Variants in NIBAN3 observed in about 807,000 individuals in gnomAD.
NIBAN3 encodes niban apoptosis regulator 3.
A neutral mutation model predicts 76.4 loss-of-function variants in NIBAN3; 66 were observed. That is an observed-to-expected ratio of 0.86 (90% CI 0.71 to 1.06). The LOEUF (loss-of-function observed/expected upper bound fraction) is 1.06. Among genes scored for constraint, NIBAN3 ranks in the 50% least tolerant of loss-of-function variants. NIBAN3 has a pLI of 0.00. For synonymous variants in NIBAN3, 360 were observed against 355.2 expected (o/e 1.01, Z -0.15); for missense variants, 808 against 810.7 (o/e 1.00, Z 0.04).
chr19:17,553,353 ACAAG>A lies in NIBAN3; in HGVS notation c.*1457_*1460del, dbSNP rs1467562973. 1.2e-6 allele frequency: 2 copies of A among 1,613,774 alleles called. No individual in the cohort carries two copies. The highest frequency in any genetic ancestry group is 1.7e-6 in the Non-Finnish European group (2 of 1,179,920). On this transcript the variant is annotated 3_prime_UTR_variant, in exon 15 of 15. Coordinates refer to ENST00000599164, the MANE Select transcript of NIBAN3 (RefSeq NM_001321827.2). ...TGGTGTCAAGTTTCCTGGCTGGGAG[ACAAG>A]CTTTTACCGACTTCCTCTGCTTGCC...
intron 5 of NIBAN3, among the ~76,000 whole-genome samples, chr19:17,538,132 A>G (rs2075858822): frequency 6.6e-6 from 1 of 151,624 alleles, no homozygotes; most frequent in South Asian, 2.1e-4. Context: ...ATGAAGGACT[A>G]GCCGCTGGGC....
downstream of NIBAN3, chr19:17,553,777 G>T: frequency 1.9e-6 from 1 of 520,018 alleles, no homozygotes; most frequent in Non-Finnish European, 3.4e-6. Context: ...AATCCTTCCA[G>T]ATGGGATGGG....
Position 17,532,247 on chromosome 19 carries a change from C to T in NIBAN3, c.187-16C>T, listed in dbSNP as rs925411029. On this transcript the variant is annotated splice_polypyrimidine_tract_variant and intron_variant, in intron 2 of 14. Transcript: ENST00000599164. ...GCCCACAGCCCCCTGACACCCACTGCTCCCTCTTTCTGCAGAAGCTGCCCC... is the reference window on the plus strand; with the variant it reads ...GCCCACAGCCCCCTGACACCCACTGTTCCCTCTTTCTGCAGAAGCTGCCCC... The T allele has an allele frequency of 2.5e-6, 4 of 1,598,396 alleles. No individual in the cohort carries two copies. Among genetic ancestry groups the T allele is most frequent in the African/African-American group, 2.7e-5 (2 of 74,738 alleles).
chr19:17,527,702 A>G (rs150711661), intron 1 of NIBAN3, among the ~76,000 whole-genome samples: 27 of 151,188 alleles, frequency 1.8e-4, no homozygotes, highest in African/African-American at 5.8e-4. Flanking sequence ...ATGTACCACC[A>G]TGCCCAACTA....
chr19:17,541,285 A>G (rs904554299), intron 9 of NIBAN3, among the ~76,000 whole-genome samples: 1 of 152,004 alleles, frequency 6.6e-6, no homozygotes, highest in Non-Finnish European at 1.5e-5. Context: ...AATAGCACCT[A>G]CTATGTACCA....
chr19:17,554,633 A>G (rs1164176868), downstream of NIBAN3, among the ~76,000 whole-genome samples: 2 of 151,632 alleles, frequency 1.3e-5, no homozygotes, highest in African/African-American at 4.9e-5. Context: ...AACAAAAATT[A>G]GCCGGGCGTG....
chr19:17,526,526 T>A (rs2075610483), upstream of NIBAN3, among the ~76,000 whole-genome samples: 2 of 151,644 alleles, frequency 1.3e-5, no homozygotes, highest in South Asian at 4.1e-4. Context: ...CGTGTGCCTG[T>A]GGGCCCAGCT....
intron 13 of NIBAN3, among the ~76,000 whole-genome samples, chr19:17,547,345 T>C (rs2076075399): frequency 1.1e-5 from 1 of 93,958 alleles, no homozygotes; most frequent in South Asian, 4.4e-4. Flanking sequence ...AGAACGAGAC[T>C]ATGTCTTTTT....
intron 14 of NIBAN3, chr19:17,549,823 TCTC>T (rs369991781): frequency 0.095 from 36,664 of 385,280 alleles, 9 homozygotes; most frequent in Middle Eastern, 0.15. Flanking sequence ...TCTCTCTCTC[TCTC>T]TTTTTTTTTT....
chr19:17,535,837 G>A (rs1457282776), intron 4 of NIBAN3, among the ~76,000 whole-genome samples: 1 of 151,828 alleles, frequency 6.6e-6, no homozygotes, highest in Non-Finnish European at 1.5e-5. Context: ...CTAGGAGTTT[G>A]AGGCCACCGT....
rs576154871 is a variant in NIBAN3, at chr19:17,553,015, C to CA, written c.*1118dup. 372 of 177,986 alleles carry CA rather than the reference C, an allele frequency of 2.1e-3. No individual in the cohort carries two copies. Among genetic ancestry groups the CA allele is most frequent in the Non-Finnish European group, 3.1e-3 (266 of 85,236 alleles). The allele number at this position is 177,986 out of a possible 1,614,324, so 11.0% of individuals were successfully genotyped here. A position where few individuals can be genotyped will look rare whatever the true frequency, so the allele number is the denominator to read the frequency against. ...ACCTGAGCCTGGGAACTCAAGGCTG[C>CA]AGTGAGTGGTGATTGCACCACTGCA... On this transcript the variant is annotated 3_prime_UTR_variant, in exon 15 of 15. Transcript: ENST00000599164.
Position 17,539,745 on chromosome 19 carries a change from G to T in NIBAN3, c.959G>T (p.Arg320Leu). The T allele has an allele frequency of 2.6e-6, 4 of 1,536,570 alleles. No homozygotes were observed. The highest frequency in any genetic ancestry group is 1.2e-5 in the South Asian group (1 of 83,778). ...DVDQLLRQRA[R>L]VAGRLRTDIR... is the part of the protein sequence containing the mutation. ...GACCAGCTGCTGCGGCAGCGGGCGC[G>T]TGTGGCGGGGCGGCTGAGGAGTGAG... The change falls in exon 8 of 15, where the codon CGT (arginine) becomes CTT (leucine). Residue 320 changes from arginine (R) to leucine (L), a missense_variant. Coordinates refer to ENST00000599164, the MANE Select transcript of NIBAN3 (RefSeq NM_001321827.2).
chr19:17,537,302 G>C, intron 4 of NIBAN3, 74 bp from the exon 5 acceptor site: 1 of 1,431,580 alleles, frequency 7.0e-7, no homozygotes, highest in East Asian at 2.3e-5. Flanking sequence ...GCCAGGGACT[G>C]CTGTATGCAT....
intron 4 of NIBAN3, among the ~76,000 whole-genome samples, chr19:17,536,818 T>C (rs1180811743): frequency 6.6e-6 from 1 of 152,078 alleles, no homozygotes; most frequent in Admixed American, 6.6e-5. Flanking sequence ...CATAGAGCTG[T>C]GTGCCCTAGT....
intron 1 of NIBAN3, among the ~76,000 whole-genome samples, chr19:17,528,736 C>G (rs1174785374): frequency 6.6e-6 from 1 of 152,144 alleles, no homozygotes; most frequent in Non-Finnish European, 1.5e-5. Flanking sequence ...CCTCTGGTGG[C>G]TCTGCTATGT....
At position 17,542,583 on chromosome 19, in the gene NIBAN3, C is replaced by T. The variant is rs114759624; in HGVS notation, c.1329+289C>T. Among the ~76,000 whole-genome samples the T allele has an allele frequency of 2.9e-3, 434 of 152,278 alleles. 4 individuals carry two copies. The highest frequency in any genetic ancestry group is 0.01 in the African/African-American group (422 of 41,548). On this transcript the variant is annotated intron_variant, in intron 10 of 14. Coordinates refer to ENST00000599164, the MANE Select transcript of NIBAN3 (RefSeq NM_001321827.2). This position sits in a 1 kb window ranked among gnomAD's most constrained non-coding sequence, Gnocchi z 4.8. ...AGAGCAATGGGAGGAATGGCGTTGCCACCAGTCCCGAGTGAATAGTGTTGA... is the reference window on the plus strand; with the variant it reads ...AGAGCAATGGGAGGAATGGCGTTGCTACCAGTCCCGAGTGAATAGTGTTGA...
chr19:17,538,982 T>C (rs8112256), intron 5 of NIBAN3, among the ~76,000 whole-genome samples, 168 bp from the exon 6 acceptor site: 45,196 of 152,168 alleles, frequency 0.3, 7,223 homozygotes, highest in Admixed American at 0.41. Flanking sequence ...ATAAACATGA[T>C]GGTCTTGGGG....
chr19:17,527,096 T>C, upstream of NIBAN3: 1 of 907,306 alleles, frequency 1.1e-6, no homozygotes, highest in Non-Finnish European at 1.6e-6. Context: ...TGATTTTCTT[T>C]CTCCCACACC....
At chr19:17,523,457 G>C (rs924468088), upstream of NIBAN3, 5 of 1,564,256 alleles carry the variant, frequency 3.2e-6, no homozygotes, top group African/African-American at 1.3e-5. Context: ...TGACCGGAAG[G>C]AGGTTGGTAA....
Sources: allele counts gnomAD v4.1 joint callset (sites outside exome capture counted in the v4.1 genomes callset), GRCh38; gene constraint gnomAD v4.1.1; non-coding constraint Gnocchi (gnomAD v3.1); transcripts MANE v1.5; gene names NCBI Gene and HGNC (gene_info 2026-07-23, HGNC 2026-07-21).